Variants in MYLK3 observed in about 807,000 individuals in gnomAD.
MYLK3 encodes myosin light chain kinase 3, also known as MLC kinase.
Under a neutral mutation model 76.3 loss-of-function variants are expected in MYLK3, and 55 were observed. The observed-to-expected ratio is 0.72, with a 90% CI of 0.58 to 0.90. The LOEUF (loss-of-function observed/expected upper bound fraction) is 0.90, where lower values mean the gene tolerates loss of function less well. Among genes scored for constraint, MYLK3 ranks in the 40% least tolerant of loss-of-function variants. The pLI is 0.00. For missense variants in MYLK3, 973 were observed against 1,053.6 expected, an observed-to-expected ratio of 0.92 and a Z score of 1.06; for synonymous variants, 416 against 425.4, an observed-to-expected ratio of 0.98 and a Z score of 0.27.
chr16:46,711,188 C>G (rs1251829353), intron 10 of MYLK3, among the ~76,000 whole-genome samples: 11 of 152,094 alleles, frequency 7.2e-5, no homozygotes, highest in African/African-American at 2.7e-4. Flanking sequence ...GGCCCCAAGC[C>G]AAAGGAAAAT....
chr16:46,755,091 G>T (rs933053405), intron 1 of MYLK3, among the ~76,000 whole-genome samples: 1 of 151,870 alleles, frequency 6.6e-6, no homozygotes, highest in Non-Finnish European at 1.5e-5. Flanking sequence ...TAGAGATGGG[G>T]TTTTGCCATG....
Position 46,721,698 on chromosome 16 carries a change from T to G in MYLK3, c.1915-505A>C, listed in dbSNP as rs574820933. ...TTCAGGTTTTTATGTGAAAATTCCA[T>G]GCTTTTAAATGTTAACAACTAAACG... On this transcript the variant is annotated intron_variant, in intron 8 of 12. Transcript: ENST00000394809. Among the ~76,000 whole-genome samples, 5 of 152,286 alleles carry G rather than the reference T, an allele frequency of 3.3e-5. No homozygotes were observed. In the East Asian group the frequency reaches 9.6e-4, roughly 29 times the overall value.
At chr16:46,741,130 C>G (rs1966924615) in intron 1 of MYLK3, among the ~76,000 whole-genome samples, 1 of 152,246 alleles carries the variant, frequency 6.6e-6, no homozygotes, top group Non-Finnish European at 1.5e-5. Context: ...CTGCATCTCA[C>G]TTTCCTCATC....
rs940520302 is a variant in MYLK3, at chr16:46,702,299, A to C, written c.*5405T>G. 1.3e-5 allele frequency among the ~76,000 whole-genome samples: 2 copies of C among 152,110 alleles called. No homozygotes were observed. Among genetic ancestry groups the C allele is most frequent in the Non-Finnish European group, 2.9e-5 (2 of 68,030 alleles). ...AAGCTCACTTCTTTAACCGTTCTTC[A>C]TGGTTTATTTAACTGATTAAAAAGT... On this transcript the variant is annotated 3_prime_UTR_variant, in exon 13 of 13. Coordinates refer to ENST00000394809, the MANE Select transcript of MYLK3 (RefSeq NM_182493.3).
rs1596741756 is a variant in MYLK3, at chr16:46,705,505, G to C, written c.*2199C>G. 1 of 151,180 alleles carries C rather than the reference G, an allele frequency of 6.6e-6. No homozygotes were observed. Among genetic ancestry groups the C allele is most frequent in the East Asian group, 2.0e-4 (1 of 5,110 alleles). The allele number at this position is 151,180 out of a possible 1,614,324, so 9.4% of individuals were successfully genotyped here. ...GAACACACCAGTGCACTCCAGCCTG[G>C]GTGACAGAGGAAGACTCTCTCAAAA... On this transcript the variant is annotated 3_prime_UTR_variant, in exon 13 of 13. Coordinates refer to ENST00000394809, the MANE Select transcript of MYLK3 (RefSeq NM_182493.3).
chr16:46,761,250 T>C (rs1307669330), intron 1 of MYLK3, among the ~76,000 whole-genome samples: 1 of 152,082 alleles, frequency 6.6e-6, no homozygotes, highest in Admixed American at 6.5e-5. Flanking sequence ...ACGACATCAA[T>C]GGAGGCCCAG....
intron 12 of MYLK3, among the ~76,000 whole-genome samples, chr16:46,708,015 AG>A (rs906713022): frequency 2.0e-5 from 3 of 151,576 alleles, no homozygotes; most frequent in Admixed American, 6.6e-5. Context: ...GGGAGGGGGT[AG>A]GGGGGTCAGG....
At chr16:46,744,694 A>G (rs1195954933) in intron 1 of MYLK3, among the ~76,000 whole-genome samples, 1 of 152,108 alleles carries the variant, frequency 6.6e-6, no homozygotes, top group Non-Finnish European at 1.5e-5. Flanking sequence ...ACTGAACTTC[A>G]GTAACACTAA....
At chr16:46,737,658 G>A (rs991945458) in intron 3 of MYLK3, 53 bp downstream of exon 3, 11 of 1,514,610 alleles carry the variant, frequency 7.3e-6, no homozygotes, top group African/African-American at 5.5e-5. Flanking sequence ...GAGCTCCAGC[G>A]AGGGGCCACA....
At chr16:46,726,687 A>AAG in intron 8 of MYLK3, 1 of 145,846 alleles carries the variant, frequency 6.9e-6, no homozygotes, top group Non-Finnish European at 1.5e-5. Context: ...GAAAGAAAGA[A>AAG]AGAAAGAAAG....
intron 1 of MYLK3, chr16:46,762,985 T>C: frequency 1.0e-6 from 1 of 984,980 alleles, no homozygotes; most frequent in Non-Finnish European, 1.2e-6. Flanking sequence ...CCTAATACAC[T>C]GCTGAAAACA....
chr16:46,750,323 C>A (rs1196435271), upstream of MYLK3, among the ~76,000 whole-genome samples: 1 of 152,226 alleles, frequency 6.6e-6, no homozygotes, highest in Non-Finnish European at 1.5e-5. Context: ...AGACCCTGGT[C>A]TCTGGAGGAG....
chr16:46,729,707 C>T lies in MYLK3; in HGVS notation c.1569-20G>A, dbSNP rs761168895. The T allele has an allele frequency of 3.9e-5, 63 of 1,610,816 alleles. No homozygotes were observed. Among genetic ancestry groups the T allele is most frequent in the South Asian group, 1.6e-4 (15 of 91,026 alleles). On this transcript the variant is annotated intron_variant, in intron 5 of 12. Transcript: ENST00000394809. ...CGACCCCTGCAGAGACATAGCCACA[C>T]GGCAGGCTGAGAGCCCAGAGGCTCA...
chr16:46,723,150 T>C (rs901113488), intron 8 of MYLK3, among the ~76,000 whole-genome samples: 1 of 152,164 alleles, frequency 6.6e-6, no homozygotes, highest in Admixed American at 6.5e-5. Flanking sequence ...CTTTCCTCAC[T>C]TCCCACCCCA....
chr16:46,736,751 C>T (rs1453119302), intron 3 of MYLK3, among the ~76,000 whole-genome samples: 1 of 152,194 alleles, frequency 6.6e-6, no homozygotes, highest in Non-Finnish European at 1.5e-5. Flanking sequence ...TTGGGTTCTC[C>T]GTGACAGGTC....
At chr16:46,748,908 T>G (rs1225380718), upstream of MYLK3, among the ~76,000 whole-genome samples, 2 of 152,120 alleles carry the variant, frequency 1.3e-5, no homozygotes, top group Non-Finnish European at 2.9e-5. This position sits in a 1 kb window ranked among gnomAD's most constrained non-coding sequence, Gnocchi z 4.3. Flanking sequence ...AAAATAGAAC[T>G]GAGGGCAATG....
intron 1 of MYLK3, among the ~76,000 whole-genome samples, chr16:46,759,902 G>A (rs897786624): frequency 6.6e-6 from 1 of 152,214 alleles, no homozygotes; most frequent in Non-Finnish European, 1.5e-5. Context: ...CAAAGTGCGG[G>A]ATTACAGGCG....
At chr16:46,733,840 C>T (rs1487622685) in intron 3 of MYLK3, among the ~76,000 whole-genome samples, 1 of 152,180 alleles carries the variant, frequency 6.6e-6, no homozygotes, top group Non-Finnish European at 1.5e-5. Context: ...GCTCTGCCAG[C>T]AGGTTGCTGG....
intron 5 of MYLK3, among the ~76,000 whole-genome samples, chr16:46,730,183 A>G (rs1190702728): frequency 7.0e-6 from 1 of 143,580 alleles, no homozygotes; most frequent in Non-Finnish European, 1.5e-5. Context: ...ACCCCAGGGA[A>G]CATCCCCTCA....
Sources: allele counts gnomAD v4.1 joint callset (sites outside exome capture counted in the v4.1 genomes callset), GRCh38; gene constraint gnomAD v4.1.1; non-coding constraint Gnocchi (gnomAD v3.1); transcripts MANE v1.5; gene names NCBI Gene and HGNC (gene_info 2026-07-23, HGNC 2026-07-21).